LMLN: variants seen among roughly 807,000 people sequenced by gnomAD.
LMLN encodes leishmanolysin-like peptidase.
Under a neutral mutation model 92.3 loss-of-function variants are expected in LMLN, and 70 were observed. That is an observed-to-expected ratio of 0.76 (90% CI 0.63 to 0.92). LMLN has a LOEUF of 0.92. Among genes scored for constraint, LMLN ranks in the 40% least tolerant of loss-of-function variants. The probability of loss-of-function intolerance (pLI) is 0.00; values close to 1 mark genes in which losing one functional copy is unlikely to be tolerated. For synonymous variants in LMLN, 308 were observed against 296.2 expected (o/e 1.04, Z -0.41); for missense variants, 691 against 814.6 (o/e 0.85, Z 1.85).
At chr3:198,008,675 TA>T (rs1722356599) in intron 11 of LMLN, among the ~76,000 whole-genome samples, 2 of 152,258 alleles carry the variant, frequency 1.3e-5, no homozygotes, top group Non-Finnish European at 2.9e-5. Flanking sequence ...TGCAGTGAGC[TA>T]TGACTGCACC....
intron 1 of LMLN, among the ~76,000 whole-genome samples, chr3:197,966,836 G>C (rs1216607112): frequency 6.6e-6 from 1 of 152,060 alleles, no homozygotes; most frequent in African/African-American, 2.4e-5. Flanking sequence ...CTGTCATCCA[G>C]GCTGGAGTAT....
chr3:198,015,244 T>A (rs1271041080), intron 11 of LMLN, among the ~76,000 whole-genome samples: 1 of 128,786 alleles, frequency 7.8e-6, no homozygotes, highest in Non-Finnish European at 1.7e-5. Flanking sequence ...CTCTCCACCC[T>A]TCAGAGCCCC....
chr3:198,028,074 G>A (rs1722982929), intron 14 of LMLN, among the ~76,000 whole-genome samples: 1 of 152,092 alleles, frequency 6.6e-6, no homozygotes, highest in Non-Finnish European at 1.5e-5. Context: ...ATATACCCCT[G>A]CTCCACACAC....
chr3:198,016,297 G>A (rs542640642), intron 11 of LMLN, among the ~76,000 whole-genome samples: 1 of 152,036 alleles, frequency 6.6e-6, no homozygotes, highest in Non-Finnish European at 1.5e-5. Flanking sequence ...CTACTAAGGA[G>A]TCTGACCTCT....
exon 16 of LMLN, chr3:198,038,592 G>A: frequency 6.2e-7 from 1 of 1,613,960 alleles, no homozygotes; most frequent in Non-Finnish European, 8.5e-7. Context: ...CCTCGAGCCT[G>A]GTGGTCACCC....
At chr3:198,033,633 C>G (rs1408010068) in intron 14 of LMLN, among the ~76,000 whole-genome samples, 1 of 152,160 alleles carries the variant, frequency 6.6e-6, no homozygotes, top group East Asian at 1.9e-4. Flanking sequence ...AACTCCTGAC[C>G]TCAGGTGATC....
chr3:198,011,123 AT>A (rs950454479), intron 11 of LMLN, among the ~76,000 whole-genome samples: 7 of 148,346 alleles, frequency 4.7e-5, no homozygotes, highest in East Asian at 2.0e-4. Flanking sequence ...TAAGTTTTTT[AT>A]TTTTTTTTAT....
At chr3:198,008,846 T>C (rs6777369) in intron 11 of LMLN, among the ~76,000 whole-genome samples, 57,134 of 152,184 alleles carry the variant, frequency 0.38, 15,345 homozygotes, top group African/African-American at 0.77. Flanking sequence ...TGTGTCACTT[T>C]GAGTTCAAAA....
At chr3:198,010,304 C>A (rs1315267741) in intron 11 of LMLN, among the ~76,000 whole-genome samples, 2 of 152,086 alleles carry the variant, frequency 1.3e-5, no homozygotes, top group Non-Finnish European at 2.9e-5. Context: ...CAGGTGCACA[C>A]CACCACACCC....
intron 11 of LMLN, among the ~76,000 whole-genome samples, chr3:198,016,891 A>G (rs760938605): frequency 6.6e-6 from 1 of 152,140 alleles, no homozygotes; most frequent in Non-Finnish European, 1.5e-5. Context: ...TGTCACAACT[A>G]CTTACCTCTA....
Position 197,976,610 on chromosome 3 carries a change from A to G in LMLN, c.444A>G (p.Thr148=), listed in dbSNP as rs773231832. ...AAATGGACTGAAGACAATGTGCAAC[A>G]AACCAATACCTCCGGAAGGAAAACG... Residue 148 remains threonine (T), a synonymous_variant, in exon 5 of 16, where the codon ACA becomes ACG. Coordinates refer to ENST00000330198, the Ensembl canonical transcript of LMLN. The G allele has an allele frequency of 2.5e-6, 4 of 1,588,514 alleles. No homozygotes were observed. The South Asian group carries it at 4.5e-5, about 18-fold the overall frequency.
intron 12 of LMLN, among the ~76,000 whole-genome samples, chr3:198,020,126 G>A (rs891951862): frequency 7.2e-5 from 11 of 152,186 alleles, no homozygotes; most frequent in African/African-American, 1.2e-4. Flanking sequence ...CTCCCAAAGC[G>A]CTGGGATTAC....
chr3:198,023,669 T>C (rs1178193944), intron 13 of LMLN, among the ~76,000 whole-genome samples: 1 of 152,240 alleles, frequency 6.6e-6, no homozygotes, highest in Non-Finnish European at 1.5e-5. Context: ...AACTCTCTAC[T>C]TCCCCAAAGA....
exon 16 of LMLN, chr3:198,039,233 A>G (rs1272370083): frequency 6.3e-6 from 1 of 157,846 alleles, no homozygotes; most frequent in African/African-American, 2.4e-5. Context: ...TCCTTTGAAA[A>G]TAGGATAATG....
At chr3:197,997,288 C>T (rs1416440859) in intron 10 of LMLN, among the ~76,000 whole-genome samples, 1 of 152,130 alleles carries the variant, frequency 6.6e-6, no homozygotes, top group Non-Finnish European at 1.5e-5. Flanking sequence ...TGCCACCACA[C>T]CCAGCTAATT....
chr3:198,020,989 A>G (rs1394520238), intron 12 of LMLN, among the ~76,000 whole-genome samples: 1 of 151,816 alleles, frequency 6.6e-6, no homozygotes, highest in African/African-American at 2.4e-5. Context: ...TGGTATTCAA[A>G]GTATATTATA....
intron 8 of LMLN, among the ~76,000 whole-genome samples, chr3:197,989,294 A>G (rs766665656): frequency 6.6e-5 from 10 of 152,340 alleles, no homozygotes; most frequent in Non-Finnish European, 1.2e-4. Flanking sequence ...TTAATTTCCA[A>G]AGTTTAAGAA....
exon 1 of LMLN, chr3:197,960,338 C>T (rs769476028): frequency 1.2e-6 from 2 of 1,613,802 alleles, no homozygotes; most frequent in Non-Finnish European, 8.5e-7. Flanking sequence ...GGGTCCGAAG[C>T]GTTTTACTCC....
At chr3:197,962,466 A>G (rs1243114116) in intron 1 of LMLN, among the ~76,000 whole-genome samples, 4 of 152,158 alleles carry the variant, frequency 2.6e-5, no homozygotes, top group Non-Finnish European at 4.4e-5. Flanking sequence ...TTTTGTGGAT[A>G]TATGTTTTCA....
Sources: allele counts gnomAD v4.1 joint callset (sites outside exome capture counted in the v4.1 genomes callset), GRCh38; gene constraint gnomAD v4.1.1; transcripts MANE v1.5; gene names NCBI Gene and HGNC (gene_info 2026-07-23, HGNC 2026-07-21).